Variants in KHDRBS3 observed in about 807,000 individuals in gnomAD.
KHDRBS3 encodes KH RNA binding domain containing, signal transduction associated 3.
In KHDRBS3, 23 loss-of-function variants were observed where a neutral mutation model predicts 45.6. That is an observed-to-expected ratio of 0.50 (90% confidence interval 0.36 to 0.72). The LOEUF (loss-of-function observed/expected upper bound fraction) is 0.72. Among genes scored for constraint, KHDRBS3 ranks in the 30% least tolerant of loss-of-function variants. The probability of loss-of-function intolerance (pLI) is 0.00; values close to 1 mark genes in which losing one functional copy is unlikely to be tolerated. For synonymous variants in KHDRBS3, 162 were observed against 156.5 expected, an observed-to-expected ratio of 1.04 and a Z score of -0.26; for missense variants, 352 against 424.8, an observed-to-expected ratio of 0.83 and a Z score of 1.51.
chr8:135,561,868 A>T (rs1260994381), intron 5 of KHDRBS3, among the ~76,000 whole-genome samples: 1 of 152,130 alleles, frequency 6.6e-6, no homozygotes, highest in Non-Finnish European at 1.5e-5. Context: ...AAATAATTTT[A>T]AAAGTTAACA....
chr8:135,605,586 A>G (rs945092245), intron 6 of KHDRBS3, among the ~76,000 whole-genome samples: 2 of 152,148 alleles, frequency 1.3e-5, no homozygotes, highest in Non-Finnish European at 2.9e-5. Flanking sequence ...TGACTACACA[A>G]CTATCCCCTG....
chr8:135,554,863 A>G (rs1313626426), intron 4 of KHDRBS3, among the ~76,000 whole-genome samples: 1 of 152,144 alleles, frequency 6.6e-6, no homozygotes, highest in Non-Finnish European at 1.5e-5. Context: ...TAAATAATTC[A>G]GGAATCTGTC....
chr8:135,584,614 T>C (rs895303191), intron 6 of KHDRBS3, among the ~76,000 whole-genome samples: 4 of 152,244 alleles, frequency 2.6e-5, no homozygotes, highest in Admixed American at 1.3e-4. Flanking sequence ...CAGTGGCTTT[T>C]TCAGTATAGT....
chr8:135,489,140 T>C (rs973443419), intron 1 of KHDRBS3, among the ~76,000 whole-genome samples: 4 of 152,312 alleles, frequency 2.6e-5, no homozygotes, highest in Admixed American at 2.6e-4. Context: ...ATTTAGAGAA[T>C]TTCTTTTTTC....
intron 7 of KHDRBS3, among the ~76,000 whole-genome samples, chr8:135,638,277 A>G (rs1449820033): frequency 6.6e-6 from 1 of 152,200 alleles, no homozygotes; most frequent in Non-Finnish European, 1.5e-5. Context: ...AAGCTGTAAC[A>G]ATGCGAGGCC....
intron 2 of KHDRBS3, among the ~76,000 whole-genome samples, chr8:135,524,474 CCTGGAGTTTG>C (rs1369041819): frequency 1.2e-4 from 18 of 152,060 alleles, no homozygotes; most frequent in Admixed American, 7.2e-4. Context: ...GCAATCTGGG[CCTGGAGTTTG>C]ATAATGAATT....
chr8:135,649,787 CAG>C (rs1831391813), downstream of KHDRBS3, among the ~76,000 whole-genome samples: 1 of 152,082 alleles, frequency 6.6e-6, no homozygotes, highest in African/African-American at 2.4e-5. Flanking sequence ...AGGTGCTATT[CAG>C]AGTTAATTAA....
chr8:135,510,974 A>G (rs752774367), intron 1 of KHDRBS3, among the ~76,000 whole-genome samples: 1 of 152,194 alleles, frequency 6.6e-6, no homozygotes, highest in Non-Finnish European at 1.5e-5. Flanking sequence ...AAATAAACCT[A>G]TATTTGCTTT....
chr8:135,582,509 T>C (rs1218165492), intron 6 of KHDRBS3, among the ~76,000 whole-genome samples: 3 of 152,220 alleles, frequency 2.0e-5, no homozygotes, highest in Non-Finnish European at 2.9e-5. Flanking sequence ...GGAAATTCTT[T>C]TCAGTAAAGA....
chr8:135,466,594 T>A (rs1821710371), intron 1 of KHDRBS3, among the ~76,000 whole-genome samples: 1 of 152,228 alleles, frequency 6.6e-6, no homozygotes, highest in South Asian at 2.1e-4. Flanking sequence ...TTCCCAAATC[T>A]GATTTGTATA....
chr8:135,485,842 T>TTATATATATATATATATATATATATATA lies in KHDRBS3; in HGVS notation c.88+27915_88+27916insATATATATATATATATATATATATATAT, dbSNP rs34886021. Among the ~76,000 whole-genome samples, 448 of 119,958 alleles carry TTATATATATATATATATATATATATATA rather than the reference T, an allele frequency of 3.7e-3. 11 individuals carry two copies. The highest frequency in any genetic ancestry group is 0.01 in the African/African-American group (269 of 26,728). 78.7% of individuals were successfully genotyped at this position (119,958 alleles called of 152,430 possible). A position where few individuals can be genotyped will look rare whatever the true frequency, so the allele number is the denominator to read the frequency against. ...TGCAGGATTGATTGGCATTTCAAGT[T>TTATATATATATATATATATATATATATA]TATATATATATATATATATATATAT... On this transcript the variant is annotated intron_variant, in intron 1 of 8. Coordinates refer to ENST00000355849, the MANE Select transcript of KHDRBS3 (RefSeq NM_006558.3).
chr8:135,640,630 G>A (rs961678781), intron 7 of KHDRBS3, among the ~76,000 whole-genome samples: 1 of 152,158 alleles, frequency 6.6e-6, no homozygotes, highest in Non-Finnish European at 1.5e-5. Context: ...TGCTGAGCAC[G>A]CCGGCTTCCT....
intron 6 of KHDRBS3, among the ~76,000 whole-genome samples, chr8:135,582,307 G>A (rs1828254610): frequency 6.6e-6 from 1 of 152,180 alleles, no homozygotes; most frequent in Non-Finnish European, 1.5e-5. Flanking sequence ...AGGAGTTTGG[G>A]TGGTGGGGAG....
At chr8:135,613,748 A>G (rs951943782) in intron 7 of KHDRBS3, among the ~76,000 whole-genome samples, 2 of 151,636 alleles carry the variant, frequency 1.3e-5, no homozygotes, top group Non-Finnish European at 2.9e-5. Context: ...CTGTGCACTG[A>G]GAGTCGGTAA....
chr8:135,628,247 A>G (rs560042889), intron 7 of KHDRBS3, among the ~76,000 whole-genome samples: 5 of 152,152 alleles, frequency 3.3e-5, no homozygotes, highest in Admixed American at 6.5e-5. Context: ...TCTCACTTGT[A>G]CACTAGACTC....
intron 1 of KHDRBS3, among the ~76,000 whole-genome samples, chr8:135,469,819 G>C (rs113235293): frequency 0.058 from 8,837 of 152,174 alleles, 336 homozygotes; most frequent in African/African-American, 0.1. Flanking sequence ...GAGCCACCGC[G>C]CCCGGCCAGG....
chr8:135,492,516 C>CATATATATATATATATACATAT (rs1554616504), intron 1 of KHDRBS3, among the ~76,000 whole-genome samples: 23 of 145,856 alleles, frequency 1.6e-4, no homozygotes, highest in African/African-American at 5.5e-4. Context: ...TATATATATA[C>CATATATATATATATATACATAT]ATATATATAT....
Position 135,554,898 on chromosome 8 carries a change from C to T in KHDRBS3, c.472-2550C>T, listed in dbSNP as rs16905407. Among the ~76,000 whole-genome samples, 1,209 of 152,252 alleles carry T rather than the reference C, an allele frequency of 7.9e-3. 15 individuals carry two copies. Among genetic ancestry groups the T allele is most frequent in the African/African-American group, 0.025 (1,053 of 41,556 alleles). Reference sequence around the variant, plus strand: ...CTCCTCTAAATGTTCTATTTACACTCGAATATGCTCATGTTTCTTCTGTCT... The same window carrying T: ...CTCCTCTAAATGTTCTATTTACACTTGAATATGCTCATGTTTCTTCTGTCT... On this transcript the variant is annotated intron_variant, in intron 4 of 8. Coordinates refer to ENST00000355849, the MANE Select transcript of KHDRBS3 (RefSeq NM_006558.3).
At chr8:135,492,818 T>C (rs1823227007) in intron 1 of KHDRBS3, among the ~76,000 whole-genome samples, 1 of 152,162 alleles carries the variant, frequency 6.6e-6, no homozygotes, top group African/African-American at 2.4e-5. Context: ...TGCACATGTA[T>C]ATGTGTTTTA....
Sources: allele counts gnomAD v4.1 joint callset (sites outside exome capture counted in the v4.1 genomes callset), GRCh38; gene constraint gnomAD v4.1.1; transcripts MANE v1.5; gene names NCBI Gene and HGNC (gene_info 2026-07-23, HGNC 2026-07-21).